The following ENTPD1 variants were observed in gnomAD, a reference collection of about 807,000 sequenced individuals.
The protein encoded by ENTPD1 is ectonucleoside triphosphate diphosphohydrolase 1, also known as ATP diphosphohydrolase.
A neutral mutation model predicts 57.0 loss-of-function variants in ENTPD1; 33 were observed. The observed-to-expected ratio is 0.58, with a 90% CI of 0.44 to 0.77. ENTPD1 has a LOEUF of 0.77. ENTPD1 is among the 30% of genes least tolerant of loss of function. The pLI, the probability that ENTPD1 is intolerant of heterozygous loss-of-function variation, is 0.00. For missense variants in ENTPD1, 501 were observed against 603.4 expected (o/e 0.83, Z 1.78); for synonymous variants, 202 against 218.8 (o/e 0.92, Z 0.68).
chr10:95,836,091 C>T (rs2098408920), intron 2 of ENTPD1, among the ~76,000 whole-genome samples: 1 of 152,100 alleles, frequency 6.6e-6, no homozygotes, highest in South Asian at 2.1e-4. Context: ...AGTCCTTTTC[C>T]CATTGTTTAT....
rs2140862210 is a variant in ENTPD1, at chr10:95,845,527, C to T, written c.744C>T (p.Val248=). Residue 248 remains valine (V), a synonymous_variant, in exon 6 of 10, where the codon GTC becomes GTT. Coordinates refer to ENST00000371205, the MANE Select transcript of ENTPD1 (RefSeq NM_001776.6). ...GCCTCTATGGCAAGGACTACAATGTCTACACACATAGCTTCTTGTGCTATG... is the reference window on the plus strand; with the variant it reads ...GCCTCTATGGCAAGGACTACAATGTTTACACACATAGCTTCTTGTGCTATG... ...QFRLYGKDYN[V]YTHSFLCYGK... 2 of 1,614,204 alleles carry T rather than the reference C, an allele frequency of 1.2e-6. No homozygotes were observed. Among genetic ancestry groups the T allele is most frequent in the East Asian group, 4.5e-5 (2 of 44,886 alleles).
At chr10:95,734,470 A>G (rs1014080167) in intron 1 of ENTPD1, among the ~76,000 whole-genome samples, 1 of 152,252 alleles carries the variant, frequency 6.6e-6, no homozygotes, top group Non-Finnish European at 1.5e-5. Flanking sequence ...GAATGTATCT[A>G]TAATAAATCA....
rs543761602 is a variant in ENTPD1, at chr10:95,834,599, T to C, written c.145-5092T>C. The stretch of plus-strand genomic sequence containing the variant: ...AGGCTGTCTGATGCTCTAGTTTCTC[T>C]TTCTTTCTGCTTCTAAATAGACTTA... On this transcript the variant is annotated intron_variant, in intron 2 of 9. Coordinates refer to ENST00000371205, the MANE Select transcript of ENTPD1 (RefSeq NM_001776.6). Among the ~76,000 whole-genome samples, 2 of 152,332 alleles carry C rather than the reference T, an allele frequency of 1.3e-5. 1 individual carries two copies. The highest frequency in any genetic ancestry group is 2.9e-5 in the Non-Finnish European group (2 of 68,022).
In ENTPD1 at chr10:95,869,237, A is replaced by C. The variant is rs2226163; in HGVS notation, c.*2854A>C. The stretch of plus-strand genomic sequence containing the variant: ...GGGAGAAAAAAGATCAGCAGAAGTC[A>C]TTACTTTTTTTTTTTTTTTTTTTTT... On this transcript the variant is annotated 3_prime_UTR_variant, in exon 10 of 10. Coordinates refer to ENST00000371205, the MANE Select transcript of ENTPD1 (RefSeq NM_001776.6). The C allele has an allele frequency of 1.2e-6, 1 of 832,256 alleles. No individual in the cohort carries two copies. The highest frequency in any genetic ancestry group is 7.5e-5 in the Admixed American group (1 of 13,408). The allele number at this position is 832,256 out of a possible 1,614,324, so 51.6% of individuals were successfully genotyped here.
intron 1 of ENTPD1, among the ~76,000 whole-genome samples, chr10:95,726,134 C>T (rs2097983407): frequency 6.6e-6 from 1 of 152,178 alleles, no homozygotes; most frequent in Non-Finnish European, 1.5e-5. Context: ...TGCTTTTCAA[C>T]TTGTTGTCTG....
At chr10:95,819,365 CAT>C (rs1490394488) in intron 1 of ENTPD1, among the ~76,000 whole-genome samples, 1 of 151,870 alleles carries the variant, frequency 6.6e-6, no homozygotes, top group African/African-American at 2.4e-5. Flanking sequence ...AGATTTTCAC[CAT>C]GTTACCCCCC....
intron 1 of ENTPD1, among the ~76,000 whole-genome samples, chr10:95,762,765 T>C (rs949131525): frequency 2.0e-5 from 3 of 152,230 alleles, no homozygotes; most frequent in African/African-American, 7.2e-5. Context: ...TCTTGATTAC[T>C]GTTGCCAGGT....
chr10:95,736,700 A>G (rs998666047), intron 1 of ENTPD1, among the ~76,000 whole-genome samples: 3 of 152,144 alleles, frequency 2.0e-5, no homozygotes, highest in African/African-American at 4.8e-5. Flanking sequence ...GCATCACTTT[A>G]TGAGCAAATG....
intron 1 of ENTPD1, among the ~76,000 whole-genome samples, chr10:95,816,989 A>G (rs1319379704): frequency 2.0e-5 from 3 of 152,224 alleles, no homozygotes; most frequent in African/African-American, 7.2e-5. Context: ...TAGCAACCCT[A>G]TGAAGCAGAT....
At chr10:95,866,096 C>A in intron 9 of ENTPD1, 81 bp from the exon 10 acceptor site, 1 of 1,525,218 alleles carries the variant, frequency 6.6e-7, no homozygotes. Context: ...TCTTCCAATG[C>A]ATGATCCAAT....
chr10:95,778,871 C>T (rs1566137676), intron 1 of ENTPD1, among the ~76,000 whole-genome samples: 1 of 152,070 alleles, frequency 6.6e-6, no homozygotes, highest in East Asian at 1.9e-4. Context: ...AATCTTCACT[C>T]AGTTCTATCA....
upstream of ENTPD1, among the ~76,000 whole-genome samples, chr10:95,708,360 T>C (rs2097963363): frequency 6.6e-6 from 1 of 152,198 alleles, no homozygotes; most frequent in East Asian, 1.9e-4. Flanking sequence ...ATTACAGGCA[T>C]GTGCCATCAC....
intron 1 of ENTPD1, among the ~76,000 whole-genome samples, chr10:95,808,380 AT>A (rs945473345): frequency 3.9e-5 from 6 of 152,146 alleles, no homozygotes; most frequent in Non-Finnish European, 5.9e-5. Flanking sequence ...TGAAGTTTTC[AT>A]TTTTTGTTGC....
Position 95,809,383 on chromosome 10 carries a change from C to T in ENTPD1, c.17-13854C>T, listed in dbSNP as rs180746403. Among the ~76,000 whole-genome samples, 127 of 144,982 alleles carry T rather than the reference C, an allele frequency of 8.8e-4. No individual in the cohort carries two copies. The East Asian group carries it at 0.025, about 28-fold the overall frequency. The stretch of plus-strand genomic sequence containing the variant: ...CCAAGACGGGGCGGCCGGGCAGAGG[C>T]GCCCCCCACCCCCCAGACGGGGAGG... On this transcript the variant is annotated intron_variant, in intron 1 of 9. Transcript: ENST00000371205.
chr10:95,841,183 G>A (rs571886208), intron 3 of ENTPD1, among the ~76,000 whole-genome samples: 1 of 152,244 alleles, frequency 6.6e-6, no homozygotes, highest in Admixed American at 6.5e-5. Flanking sequence ...TCAGGAGATG[G>A]AGACCATCCT....
At chr10:95,786,724 GATGAAACC>G (rs1377633391) in intron 1 of ENTPD1, among the ~76,000 whole-genome samples, 1 of 152,152 alleles carries the variant, frequency 6.6e-6, no homozygotes, top group African/African-American at 2.4e-5. Context: ...ATGGGAAAAA[GATGAAACC>G]TGGAAATCTG....
At chr10:95,807,017 G>C (rs1035249154) in intron 1 of ENTPD1, among the ~76,000 whole-genome samples, 4 of 152,200 alleles carry the variant, frequency 2.6e-5, no homozygotes, top group Non-Finnish European at 4.4e-5. Flanking sequence ...CAAACACCAT[G>C]CTGGGAGAAC....
intron 1 of ENTPD1, among the ~76,000 whole-genome samples, chr10:95,742,137 T>C (rs957972287): frequency 3.3e-5 from 5 of 152,224 alleles, no homozygotes; most frequent in African/African-American, 9.6e-5. Flanking sequence ...AACTTTCCAC[T>C]GACTCTTAGG....
chr10:95,809,421 G>A (rs181908921), intron 1 of ENTPD1, among the ~76,000 whole-genome samples: 4,621 of 142,560 alleles, frequency 0.032, 254 homozygotes, highest in African/African-American at 0.11. Context: ...GGGCAGAGGC[G>A]TCCCCCACCT....
Sources: gnomAD v4.1 joint callset for allele counts (sites outside exome capture counted in the v4.1 genomes callset) on GRCh38, gnomAD v4.1.1 for gene constraint, MANE v1.5 for transcripts, NCBI Gene and HGNC (gene_info 2026-07-23, HGNC 2026-07-21) for gene names.